Variants in PCDHA2 observed in about 807,000 individuals in gnomAD.
PCDHA2 encodes the protein protocadherin alpha 2.
PCDHA2 carries 58 observed loss-of-function variants against 66.0 expected under a neutral mutation model. The ratio of observed to expected loss-of-function variants is 0.88; its 90% confidence interval spans 0.71 to 1.09. PCDHA2 has a LOEUF of 1.09. Among genes scored for constraint, PCDHA2 ranks in the 50% least tolerant of loss-of-function variants. The probability of loss-of-function intolerance (pLI) is 0.00; values close to 1 mark genes in which losing one functional copy is unlikely to be tolerated. For missense variants in PCDHA2, 1,267 were observed against 1,242.3 expected (o/e 1.02, Z -0.30); for synonymous variants, 634 against 554.0 (o/e 1.14, Z -2.03).
intron 1 of PCDHA2, chr5:140,968,891 A>G (rs782512271): frequency 1.5e-5 from 24 of 1,614,060 alleles, no homozygotes; most frequent in South Asian, 1.1e-4. Context: ...CCTTTATCTA[A>G]TAATAGCATT....
Position 140,802,709 on chromosome 5 carries a change from G to A in PCDHA2, c.2388+5357G>A, listed in dbSNP as rs781966915. 27 of 1,612,426 alleles carry A rather than the reference G, an allele frequency of 1.7e-5. No homozygotes were observed. The Admixed American group carries it at 4.2e-4, about 25-fold the overall frequency. On this transcript the variant is annotated intron_variant, in intron 1 of 3. Coordinates refer to ENST00000526136, the MANE Select transcript of PCDHA2 (RefSeq NM_018905.3). ...AACGGCGGGTGGGGGAGCGCGCGCT[G>A]TCGAGCTACGTGTCGGTACACGCGG...
intron 1 of PCDHA2, chr5:140,822,989 CGTT>C (rs2150121099): frequency 1.5e-5 from 24 of 1,614,244 alleles, no homozygotes; most frequent in Non-Finnish European, 2.0e-5. Context: ...AATTACTACT[CGTT>C]GGTGCTGGAC....
chr5:140,857,464 C>T lies in PCDHA2; in HGVS notation c.2388+60112C>T. On this transcript the variant is annotated intron_variant, in intron 1 of 3. Transcript: ENST00000526136. ...AGGAGAACAACCCGCCAGGCTGCCACATCTTCACGGTGTCTGCGTGGGACG... is the reference window on the plus strand; with the variant it reads ...AGGAGAACAACCCGCCAGGCTGCCATATCTTCACGGTGTCTGCGTGGGACG... 1.9e-6 allele frequency: 3 copies of T among 1,598,642 alleles called. 1 individual carries two copies. The South Asian group carries it at 3.3e-5, about 18-fold the overall frequency.
At chr5:140,850,840 C>T (rs2150500104) in intron 1 of PCDHA2, 1 of 1,597,492 alleles carries the variant, frequency 6.3e-7, no homozygotes, top group Admixed American at 1.7e-5. Flanking sequence ...TGTGCTGGAT[C>T]TACAGAGCGA....
rs2150351099 is a variant in PCDHA2 at position 140,843,050 on chromosome 5, G to C, written c.2388+45698G>C. ...TCGGGTGGGTGGCACTGGTGGCGCA[G>C]CGAGCAAGCTGGTGCCGCGGTCTGT... On this transcript the variant is annotated intron_variant, in intron 1 of 3. Coordinates refer to ENST00000526136, the MANE Select transcript of PCDHA2 (RefSeq NM_018905.3). 4 of 1,595,142 alleles carry C rather than the reference G, an allele frequency of 2.5e-6. 1 individual carries two copies. The highest frequency in any genetic ancestry group is 3.4e-6 in the Non-Finnish European group (4 of 1,165,280).
chr5:140,976,427 T>C (rs2096715861), intron 1 of PCDHA2, among the ~76,000 whole-genome samples: 1 of 152,064 alleles, frequency 6.6e-6, no homozygotes, highest in Admixed American at 6.5e-5. Flanking sequence ...GGCAGATGCC[T>C]GTAATCCCAG....
intron 1 of PCDHA2, chr5:140,967,505 G>C (rs782818141): frequency 2.4e-5 from 39 of 1,612,940 alleles, no homozygotes; most frequent in Non-Finnish European, 3.2e-5. Context: ...CTCTGTGCGT[G>C]TCCTGGACAC....
intron 3 of PCDHA2, among the ~76,000 whole-genome samples, chr5:140,994,668 G>A (rs2097644296): frequency 6.6e-6 from 1 of 152,118 alleles, no homozygotes; most frequent in Admixed American, 6.5e-5. Context: ...TCACACTACT[G>A]CACTCCAGCC....
chr5:140,915,504 T>C (rs1554196920), intron 1 of PCDHA2, among the ~76,000 whole-genome samples: 1 of 152,136 alleles, frequency 6.6e-6, no homozygotes, highest in Non-Finnish European at 1.5e-5. Context: ...AATACTGTGG[T>C]TTTTGCAGAC....
At position 140,795,319 on chromosome 5, in the gene PCDHA2, G is replaced by A. The variant is rs1761943300; in HGVS notation, c.355G>A (p.Val119Met). The A allele has an allele frequency of 6.2e-7, 1 of 1,614,126 alleles. No homozygotes were observed. The highest frequency in any genetic ancestry group is 8.5e-7 in the Non-Finnish European group (1 of 1,180,056). The change falls in exon 1 of 4, where the codon GTG becomes ATG. Residue 119 changes from valine to methionine, a missense_variant. By Grantham distance (21) the Val-to-Met change is conservative. Coordinates refer to ENST00000526136, the MANE Select transcript of PCDHA2 (RefSeq NM_018905.3). The part of the protein sequence containing the change: ...IVDRPLQVFH[V>M]EVEVKDINDN... ...GGACAGGCCGCTGCAGGTTTTCCAT[G>A]TGGAAGTGGAGGTGAAGGACATTAA...
At chr5:140,819,262 A>G (rs188497133) in intron 1 of PCDHA2, among the ~76,000 whole-genome samples, 19 of 152,252 alleles carry the variant, frequency 1.2e-4, no homozygotes, top group Admixed American at 1.0e-3. Flanking sequence ...TATCTATATA[A>G]TTTCTATAGA....
chr5:140,938,261 A>G (rs1325957872), intron 1 of PCDHA2, among the ~76,000 whole-genome samples: 2 of 152,182 alleles, frequency 1.3e-5, no homozygotes, highest in Non-Finnish European at 2.9e-5. Flanking sequence ...AAAACTTTCT[A>G]ATCACATAGT....
intron 3 of PCDHA2, among the ~76,000 whole-genome samples, chr5:140,985,935 T>C (rs1563529145): frequency 6.6e-6 from 1 of 151,974 alleles, no homozygotes; most frequent in African/African-American, 2.4e-5. Context: ...GAGCCGGGGT[T>C]TCACTGTGTT....
chr5:140,983,340 A>AG (rs2097043854), intron 3 of PCDHA2, among the ~76,000 whole-genome samples: 1 of 152,240 alleles, frequency 6.6e-6, no homozygotes, highest in African/African-American at 2.4e-5. Flanking sequence ...TCACTAAAGC[A>AG]GGGTCATGTA....
At chr5:140,960,551 G>T (rs2095555454) in intron 1 of PCDHA2, among the ~76,000 whole-genome samples, 1 of 152,102 alleles carries the variant, frequency 6.6e-6, no homozygotes, top group Admixed American at 6.5e-5. Flanking sequence ...CCTTCATATA[G>T]ACTGAGCTTA....
At chr5:140,871,311 C>T (rs782501180) in intron 1 of PCDHA2, 9 of 1,613,922 alleles carry the variant, frequency 5.6e-6, no homozygotes, top group Non-Finnish European at 7.6e-6. Flanking sequence ...CGGGGAAGCC[C>T]ACGCTGGTGT....
At chr5:141,006,996 G>T (rs1206587874) in intron 3 of PCDHA2, among the ~76,000 whole-genome samples, 2 of 152,136 alleles carry the variant, frequency 1.3e-5, no homozygotes, top group African/African-American at 4.8e-5. Flanking sequence ...TAAAATATAA[G>T]TCTGCATCTC....
intron 1 of PCDHA2, chr5:140,841,275 A>G: frequency 6.5e-7 from 1 of 1,534,690 alleles, no homozygotes; most frequent in Non-Finnish European, 8.8e-7. Context: ...ACAGTCGTTC[A>G]TCTTTATATT....
chr5:140,838,055 C>A (rs1775397584), intron 1 of PCDHA2, among the ~76,000 whole-genome samples: 1 of 145,046 alleles, frequency 6.9e-6, no homozygotes, highest in African/African-American at 2.6e-5. Flanking sequence ...TTTTGGTTTT[C>A]CACTTTAAGT....
Sources: allele counts gnomAD v4.1 joint callset (sites outside exome capture counted in the v4.1 genomes callset), GRCh38; gene constraint gnomAD v4.1.1; transcripts MANE v1.5; gene names NCBI Gene and HGNC (gene_info 2026-07-23, HGNC 2026-07-21).